ITFG1: variants seen among roughly 807,000 people sequenced by gnomAD.
ITFG1 encodes the protein T-cell immunomodulatory protein.
A neutral mutation model predicts 81.8 loss-of-function variants in ITFG1; 34 were observed. The ratio of observed to expected loss-of-function variants is 0.42; its 90% confidence interval spans 0.32 to 0.55. The LOEUF is 0.55. Ranked by LOEUF, ITFG1 falls within the 20% of genes least tolerant of loss-of-function variation. The pLI is 0.17. For missense variants in ITFG1, 672 were observed against 755.4 expected (o/e 0.89, Z 1.29); for synonymous variants, 285 against 270.6 (o/e 1.05, Z -0.52).
At chr16:47,323,873 T>C (rs1244760554) in intron 8 of ITFG1, among the ~76,000 whole-genome samples, 1 of 152,156 alleles carries the variant, frequency 6.6e-6, no homozygotes, top group Non-Finnish European at 1.5e-5. Context: ...TTCTGAAGTC[T>C]GGAAGAGAAC....
chr16:47,240,616 G>A (rs889162852), intron 12 of ITFG1, among the ~76,000 whole-genome samples: 5 of 152,252 alleles, frequency 3.3e-5, no homozygotes, highest in African/African-American at 9.6e-5. Context: ...TCATGGCAGC[G>A]TTAGTCACAA....
At chr16:47,206,488 G>A (rs1288336758) in intron 14 of ITFG1, among the ~76,000 whole-genome samples, 3 of 152,046 alleles carry the variant, frequency 2.0e-5, no homozygotes, top group East Asian at 1.9e-4. Context: ...CATTCTCATC[G>A]ACCTCAATAT....
intron 10 of ITFG1, among the ~76,000 whole-genome samples, chr16:47,295,585 T>C (rs1208040946): frequency 6.6e-6 from 1 of 152,206 alleles, no homozygotes; most frequent in African/African-American, 2.4e-5. Context: ...GGTTTTCTAG[T>C]TTGTGAGCAT....
intron 13 of ITFG1, among the ~76,000 whole-genome samples, chr16:47,232,202 G>A (rs1361657235): frequency 2.0e-5 from 3 of 152,220 alleles, no homozygotes; most frequent in East Asian, 3.8e-4. Flanking sequence ...TCTGTGTTGT[G>A]TTAAGCCACT....
intron 6 of ITFG1, among the ~76,000 whole-genome samples, chr16:47,414,305 C>T (rs1408963152): frequency 6.6e-6 from 1 of 150,776 alleles, no homozygotes; most frequent in Non-Finnish European, 1.5e-5. Flanking sequence ...GGGCAGATCA[C>T]TTGAGGTCAG....
chr16:47,306,606 A>G (rs1967163212), intron 10 of ITFG1, among the ~76,000 whole-genome samples: 1 of 152,096 alleles, frequency 6.6e-6, no homozygotes. Flanking sequence ...AGAAAACAAG[A>G]GTAAACTTCT....
chr16:47,181,435 C>T (rs1252130715), intron 14 of ITFG1, among the ~76,000 whole-genome samples: 9 of 145,376 alleles, frequency 6.2e-5, no homozygotes, highest in African/African-American at 1.8e-4. Context: ...CCAGCCGCCC[C>T]GTCCGGGAGG....
intron 10 of ITFG1, among the ~76,000 whole-genome samples, chr16:47,273,831 C>CA (rs1328929908): frequency 6.6e-6 from 1 of 152,030 alleles, no homozygotes; most frequent in African/African-American, 2.4e-5. Flanking sequence ...GATGGAGTCT[C>CA]ACTCTGTTGC....
intron 14 of ITFG1, 64 bp from the exon 15 acceptor site, chr16:47,162,728 TA>T: frequency 1.5e-6 from 2 of 1,377,034 alleles, no homozygotes; most frequent in South Asian, 2.9e-5. Context: ...CATCAAATAT[TA>T]AAATGATAAA....
chr16:47,450,511 A>G (rs559102624), intron 5 of ITFG1: 7 of 334,646 alleles, frequency 2.1e-5, no homozygotes, highest in Non-Finnish European at 3.4e-5. Context: ...ATACCTTAAA[A>G]ATTTTCACAA....
intron 6 of ITFG1, among the ~76,000 whole-genome samples, chr16:47,417,570 CT>C (rs1968890141): frequency 6.6e-6 from 1 of 152,168 alleles, no homozygotes; most frequent in Admixed American, 6.5e-5. Flanking sequence ...CTTCTGGTAA[CT>C]ATTATTGACT....
chr16:47,403,226 AC>A (rs926297764), intron 6 of ITFG1, among the ~76,000 whole-genome samples: 1 of 148,222 alleles, frequency 6.7e-6, no homozygotes, highest in African/African-American at 2.5e-5. Context: ...AAGGTTACCT[AC>A]CTTTTTTTTT....
intron 14 of ITFG1, among the ~76,000 whole-genome samples, chr16:47,211,771 T>C (rs1201493298): frequency 6.6e-6 from 1 of 152,118 alleles, no homozygotes; most frequent in Non-Finnish European, 1.5e-5. Flanking sequence ...ACCATGTGGT[T>C]TGTTTTCTTC....
intron 14 of ITFG1, among the ~76,000 whole-genome samples, chr16:47,181,669 C>T (rs1349040127): frequency 2.6e-5 from 4 of 152,114 alleles, no homozygotes; most frequent in African/African-American, 9.7e-5. Flanking sequence ...GCCACCACCC[C>T]ATCTGGGAGG....
At chr16:47,344,349 T>C (rs995410747) in intron 8 of ITFG1, among the ~76,000 whole-genome samples, 14 of 152,182 alleles carry the variant, frequency 9.2e-5, no homozygotes, top group Non-Finnish European at 1.6e-4. Context: ...GGAGACTGAC[T>C]ATATGTGGGC....
intron 8 of ITFG1, among the ~76,000 whole-genome samples, chr16:47,348,282 G>C (rs1967890504): frequency 6.6e-6 from 1 of 152,170 alleles, no homozygotes; most frequent in Non-Finnish European, 1.5e-5. Flanking sequence ...GAGGAAGTTT[G>C]ATCCCAACGC....
rs143408831 is a variant in ITFG1, at chr16:47,428,480, T to C, written c.655+324A>G. On this transcript the variant is annotated intron_variant, in intron 6 of 17. Coordinates refer to ENST00000320640, the MANE Select transcript of ITFG1 (RefSeq NM_030790.5). Reference sequence around the variant, plus strand: ...AAGATTTTTCTTATTGTTAAATTTGTAGCACATATTATTTTAAAAATTTTT... The same window carrying C: ...AAGATTTTTCTTATTGTTAAATTTGCAGCACATATTATTTTAAAAATTTTT... Among the ~76,000 whole-genome samples the C allele has an allele frequency of 5.8e-3, 883 of 152,218 alleles. 7 individuals carry two copies. Among genetic ancestry groups the C allele is most frequent in the African/African-American group, 0.02 (841 of 41,542 alleles).
chr16:47,159,654 T>C (rs899075621), intron 16 of ITFG1, among the ~76,000 whole-genome samples: 3 of 152,172 alleles, frequency 2.0e-5, no homozygotes, highest in African/African-American at 7.2e-5. Flanking sequence ...CCATGTAATA[T>C]AGCATTTGCA....
chr16:47,174,840 A>G (rs1027246476), intron 14 of ITFG1, among the ~76,000 whole-genome samples: 1 of 152,198 alleles, frequency 6.6e-6, no homozygotes, highest in Non-Finnish European at 1.5e-5. Context: ...GTTTTAAACC[A>G]CAAGGAATTT....
Sources: allele counts gnomAD v4.1 joint callset (sites outside exome capture counted in the v4.1 genomes callset), GRCh38; gene constraint gnomAD v4.1.1; transcripts MANE v1.5; gene names NCBI Gene and HGNC (gene_info 2026-07-23, HGNC 2026-07-21).